COL11A2: variants seen among roughly 807,000 people sequenced by gnomAD.
COL11A2 encodes the protein collagen type XI alpha 2 chain.
COL11A2 carries 116 observed loss-of-function variants against 273.4 expected under a neutral mutation model. The ratio of observed to expected loss-of-function variants is 0.42; its 90% CI spans 0.36 to 0.49. The LOEUF is 0.49. Among genes scored for constraint, COL11A2 ranks in the 20% least tolerant of loss-of-function variants. COL11A2 has a pLI of 0.00. For synonymous variants in COL11A2, 782 were observed against 864.2 expected, an observed-to-expected ratio of 0.90 and a Z score of 1.67; for missense variants, 1,866 against 2,309.0, an observed-to-expected ratio of 0.81 and a Z score of 3.93.
intron 1 of COL11A2, among the ~76,000 whole-genome samples, chr6:33,191,862 G>A (rs1168009959): frequency 6.6e-6 from 1 of 152,202 alleles, no homozygotes; most frequent in Non-Finnish European, 1.5e-5. Context: ...GCTGGCCCTG[G>A]CCATCTTCAG....
At position 33,178,497 on chromosome 6, in the gene COL11A2, T is replaced by C. The variant is rs758693817; in HGVS notation, c.1720-9A>G. 7 of 1,612,690 alleles carry C rather than the reference T, an allele frequency of 4.3e-6. No individual in the cohort carries two copies. In the African/African-American group the frequency reaches 9.4e-5, roughly 22 times the overall value. On this transcript the variant is annotated splice_polypyrimidine_tract_variant and intron_variant, in intron 18 of 65. Transcript: ENST00000341947. The surrounding 1 kb of genome is among the most constrained non-coding windows in gnomAD (Gnocchi z 4.6). ...TGGGCACCAGTATCACCCTGCAAAA[T>C]GGGGGAACTCATAAGAGGGGCTTCA... is the stretch of plus-strand genomic sequence containing the variant.
At position 33,186,607 on chromosome 6, in the gene COL11A2, G is replaced by C. The variant is rs1772453025; in HGVS notation, c.798+20C>G. ...CTCTCTGGGGTGTGCTGCACTTGGG[G>C]GTTCTCCCAGCTCCCTCACCTGGCT... On this transcript the variant is annotated intron_variant, in intron 5 of 65. Coordinates refer to ENST00000341947, the MANE Select transcript of COL11A2 (RefSeq NM_080680.3). 1 of 1,614,162 alleles carries C rather than the reference G, an allele frequency of 6.2e-7. No homozygotes were observed. Among genetic ancestry groups the C allele is most frequent in the African/African-American group, 1.3e-5 (1 of 75,040 alleles).
In COL11A2 at chr6:33,164,359, G is replaced by C; in HGVS notation, c.4978C>G (p.Arg1660Gly). 1.2e-6 allele frequency: 2 copies of C among 1,612,648 alleles called. No homozygotes were observed. The highest frequency in any genetic ancestry group is 1.3e-5 in the African/African-American group (1 of 75,038). Residue 1660 changes from arginine (R) to glycine (G), a missense_variant, in exon 65 of 66, where the codon CGT becomes GGT. Coordinates refer to ENST00000341947, the MANE Select transcript of COL11A2 (RefSeq NM_080680.3). The surrounding 1 kb of genome is among the most constrained non-coding windows in gnomAD (Gnocchi z 4.7). The part of the protein sequence containing the change: ...DVSYPCSGAA[R>G]DGPLRLRGAN... ...CCACGGAGTCTCAGGGGACCGTCAC[G>C]GGCTGCTCCAGAGCAGGGGTAGGAG...
At chr6:33,191,426 C>A (rs2150633374) in intron 1 of COL11A2, among the ~76,000 whole-genome samples, 1 of 152,354 alleles carries the variant, frequency 6.6e-6, no homozygotes, top group Non-Finnish European at 1.5e-5. Flanking sequence ...TTCCTAGAAG[C>A]CAGGAATTCT....
In COL11A2 at chr6:33,165,117, A is replaced by G. The variant is rs894477408; in HGVS notation, c.4751-153T>C. On this transcript the variant is annotated intron_variant, in intron 63 of 65. Transcript: ENST00000341947. This position sits in a 1 kb window ranked among gnomAD's most constrained non-coding sequence, Gnocchi z 7.7. ...TCCCAGAGCCCTAGAATCTAGCCCTACTGCTGGATTCTACTGCAGCATCCT... is the reference window on the plus strand; with the variant it reads ...TCCCAGAGCCCTAGAATCTAGCCCTGCTGCTGGATTCTACTGCAGCATCCT... Among the ~76,000 whole-genome samples, 4 of 151,592 alleles carry G rather than the reference A, an allele frequency of 2.6e-5. No individual in the cohort carries two copies. Among genetic ancestry groups the G allele is most frequent in the Non-Finnish European group, 4.4e-5 (3 of 67,882 alleles).
In COL11A2 at chr6:33,189,247, T is replaced by C; in HGVS notation, c.233-59A>G. 1.9e-6 allele frequency: 3 copies of C among 1,613,358 alleles called. No homozygotes were observed. The highest frequency in any genetic ancestry group is 2.5e-6 in the Non-Finnish European group (3 of 1,179,548). ...GGCAAAGGGAGCCGCCACAACCCCTTTCCTCCTGGTGTCTGATCCTAGGCC... is the reference window on the plus strand; with the variant it reads ...GGCAAAGGGAGCCGCCACAACCCCTCTCCTCCTGGTGTCTGATCCTAGGCC... On this transcript the variant is annotated intron_variant, in intron 2 of 65. Transcript: ENST00000341947. The surrounding 1 kb of genome is among the most constrained non-coding windows in gnomAD (Gnocchi z 5.6).
At chr6:33,182,269 C>T (rs1013916939) in intron 8 of COL11A2, among the ~76,000 whole-genome samples, 9 of 152,110 alleles carry the variant, frequency 5.9e-5, no homozygotes, top group African/African-American at 2.2e-4. Context: ...AGCAAAACTC[C>T]ATCTCAAAGA....
At chr6:33,191,083 C>T (rs1186083576) in intron 1 of COL11A2, among the ~76,000 whole-genome samples, 1 of 152,142 alleles carries the variant, frequency 6.6e-6, no homozygotes, top group Non-Finnish European at 1.5e-5. Context: ...CCCACTCAGC[C>T]CCTGAAATAA....
In COL11A2 at chr6:33,171,706, C is replaced by A. The variant is rs1327272043; in HGVS notation, c.3150+7G>T. The A allele has an allele frequency of 6.2e-7, 1 of 1,612,422 alleles. No homozygotes were observed. The highest frequency in any genetic ancestry group is 8.5e-7 in the Non-Finnish European group (1 of 1,179,642). ...CCAGTACCCCTCCCCAATACCCCCA[C>A]ACTCACTGGGACACCTTTCTCTCCT... On this transcript the variant is annotated splice_region_variant and intron_variant, in intron 42 of 65. Coordinates refer to ENST00000341947, the MANE Select transcript of COL11A2 (RefSeq NM_080680.3).
Position 33,177,112 on chromosome 6 carries a change from C to T in COL11A2, c.2017-67G>A. 6.2e-7 allele frequency: 1 copy of T among 1,612,522 alleles called. No homozygotes were observed. Among genetic ancestry groups the T allele is most frequent in the Non-Finnish European group, 8.5e-7 (1 of 1,179,668 alleles). On this transcript the variant is annotated intron_variant, in intron 24 of 65. Transcript: ENST00000341947. This position sits in a 1 kb window ranked among gnomAD's most constrained non-coding sequence, Gnocchi z 5.9. ...TGTCTGGACACAGACAAAATCCCAG[C>T]AGACATTTAGGGTTCTCCCTACATC...
rs756747682 is a variant in COL11A2 at position 33,170,405 on chromosome 6, T to C, written c.3529-26A>G. On this transcript the variant is annotated intron_variant, in intron 47 of 65. Transcript: ENST00000341947. The surrounding 1 kb of genome is among the most constrained non-coding windows in gnomAD (Gnocchi z 4.3). ...CTGGGGGAAACAGATACACCACAGA[T>C]GAGGAAGGGAAGTGAGATGGCTGAG... The C allele has an allele frequency of 2.5e-6, 4 of 1,605,434 alleles. No individual in the cohort carries two copies. Among genetic ancestry groups the C allele is most frequent in the South Asian group, 2.2e-5 (2 of 90,834 alleles).
rs770319763 is a variant in COL11A2 at position 33,176,680 on chromosome 6, G to A, written c.2115+41C>T. Reference sequence around the variant, plus strand: ...AGGACTTTGAGGCTCTAGAGTCTGAGTGGAGACTCCCTCAGGGGATAAAGA... The same window carrying A: ...AGGACTTTGAGGCTCTAGAGTCTGAATGGAGACTCCCTCAGGGGATAAAGA... On this transcript the variant is annotated intron_variant, in intron 26 of 65. Transcript: ENST00000341947. This position sits in a 1 kb window ranked among gnomAD's most constrained non-coding sequence, Gnocchi z 4.9. 4 of 1,594,770 alleles carry A rather than the reference G, an allele frequency of 2.5e-6. No individual in the cohort carries two copies. The highest frequency in any genetic ancestry group is 3.4e-6 in the Non-Finnish European group (4 of 1,165,010).
At position 33,169,166 on chromosome 6, in the gene COL11A2, G is replaced by A. The variant is rs917807991; in HGVS notation, c.3799-158C>T. Among the ~76,000 whole-genome samples, 3 of 152,026 alleles carry A rather than the reference G, an allele frequency of 2.0e-5. No homozygotes were observed. The highest frequency in any genetic ancestry group is 4.8e-5 in the African/African-American group (2 of 41,360). On this transcript the variant is annotated intron_variant, in intron 51 of 65. Transcript: ENST00000341947. The surrounding 1 kb of genome is among the most constrained non-coding windows in gnomAD (Gnocchi z 5.5). ...CCCCTTTCCCTACCACGTGCACTGC[G>A]TGTTGTCTAATTCCTCAAGGTATTA...
chr6:33,170,962 C>A lies in COL11A2; in HGVS notation c.3367-45G>T, dbSNP rs1205336103. The A allele has an allele frequency of 1.3e-6, 2 of 1,518,818 alleles. No individual in the cohort carries two copies. Among genetic ancestry groups the A allele is most frequent in the Admixed American group, 1.9e-5 (1 of 51,486 alleles). 94.1% of individuals were successfully genotyped at this position (1,518,818 alleles called of 1,614,324 possible). Reference sequence around the variant, plus strand: ...CAGAGACAAGGACACAGGGATGGGTCATGGGTCAGGTGTTCTCTATCCACA... The same window carrying A: ...CAGAGACAAGGACACAGGGATGGGTAATGGGTCAGGTGTTCTCTATCCACA... On this transcript the variant is annotated intron_variant, in intron 45 of 65. Transcript: ENST00000341947. This position sits in a 1 kb window ranked among gnomAD's most constrained non-coding sequence, Gnocchi z 4.3.
At position 33,169,029 on chromosome 6, in the gene COL11A2, G is replaced by A; in HGVS notation, c.3799-21C>T. The A allele has an allele frequency of 6.2e-7, 1 of 1,600,208 alleles. No homozygotes were observed. The highest frequency in any genetic ancestry group is 8.5e-7 in the Non-Finnish European group (1 of 1,173,494). The stretch of plus-strand genomic sequence containing the variant: ...GGACCCTGATCCAGATGGAGAATAA[G>A]AGTCAGGGTCACAGCTCCCTAAGCC... On this transcript the variant is annotated intron_variant, in intron 51 of 65. Coordinates refer to ENST00000341947, the MANE Select transcript of COL11A2 (RefSeq NM_080680.3). This position sits in a 1 kb window ranked among gnomAD's most constrained non-coding sequence, Gnocchi z 5.5.
chr6:33,164,172 G>A lies in COL11A2; in HGVS notation c.5070+95C>T. On this transcript the variant is annotated intron_variant, in intron 65 of 65. Coordinates refer to ENST00000341947, the MANE Select transcript of COL11A2 (RefSeq NM_080680.3). The surrounding 1 kb of genome is among the most constrained non-coding windows in gnomAD (Gnocchi z 4.7). ...AATCCAGCAGGACGGACTCCTCCCT[G>A]CTCCCCCTGGGTGCCCTGCCCAAGG... 7.1e-7 allele frequency: 1 copy of A among 1,407,258 alleles called. No individual in the cohort carries two copies. Among genetic ancestry groups the A allele is most frequent in the Non-Finnish European group, 9.7e-7 (1 of 1,025,710 alleles). The allele number at this position is 1,407,258 out of a possible 1,614,324, so 87.2% of individuals were successfully genotyped here.
chr6:33,164,573 G>T lies in COL11A2; in HGVS notation c.4864-100C>A. ...CAGGAGCATCTACGGCACCAGGACA[G>T]CTGAGCCAGAGTCATGAGCAGGGAA... On this transcript the variant is annotated intron_variant, in intron 64 of 65. Coordinates refer to ENST00000341947, the MANE Select transcript of COL11A2 (RefSeq NM_080680.3). The surrounding 1 kb of genome is among the most constrained non-coding windows in gnomAD (Gnocchi z 4.7). 1 of 1,030,936 alleles carries T rather than the reference G, an allele frequency of 9.7e-7. No homozygotes were observed. The highest frequency in any genetic ancestry group is 1.4e-6 in the Non-Finnish European group (1 of 719,138). 63.9% of individuals were successfully genotyped at this position (1,030,936 alleles called of 1,614,324 possible).
rs1772993312 is a variant in COL11A2, at chr6:33,190,642, G to A, written c.83-1173C>T. On this transcript the variant is annotated intron_variant, in intron 1 of 65. Coordinates refer to ENST00000341947, the MANE Select transcript of COL11A2 (RefSeq NM_080680.3). The surrounding 1 kb of genome is among the most constrained non-coding windows in gnomAD (Gnocchi z 4.5). ...AGGTGGGGCGGGCAGGCAGAGAAAA[G>A]GCCCTTTGAGTCCAGGAGCCGGGAA... Among the ~76,000 whole-genome samples the A allele has an allele frequency of 1.3e-5, 2 of 152,112 alleles. No homozygotes were observed. The highest frequency in any genetic ancestry group is 2.9e-5 in the Non-Finnish European group (2 of 67,998).
chr6:33,179,172 G>T lies in COL11A2; in HGVS notation c.1558-46C>A. 1 of 1,611,814 alleles carries T rather than the reference G, an allele frequency of 6.2e-7. No homozygotes were observed. The highest frequency in any genetic ancestry group is 8.5e-7 in the Non-Finnish European group (1 of 1,179,012). The stretch of plus-strand genomic sequence containing the variant: ...GTGGGGTTAGGAGGCATAGGGAGGG[G>T]AGTGAGGGAGACTGAGCTGGTGAAC... On this transcript the variant is annotated intron_variant, in intron 15 of 65. Coordinates refer to ENST00000341947, the MANE Select transcript of COL11A2 (RefSeq NM_080680.3). The surrounding 1 kb of genome is among the most constrained non-coding windows in gnomAD (Gnocchi z 6.4).
Sources: gnomAD v4.1 joint callset for allele counts (sites outside exome capture counted in the v4.1 genomes callset) on GRCh38, gnomAD v4.1.1 for gene constraint, Gnocchi (gnomAD v3.1) non-coding constraint, MANE v1.5 for transcripts, NCBI Gene and HGNC (gene_info 2026-07-23, HGNC 2026-07-21) for gene names.